Variants in AGBL1 observed in about 807,000 individuals in gnomAD.
The protein encoded by AGBL1 is AGBL carboxypeptidase 1.
A neutral mutation model predicts 118.9 loss-of-function variants in AGBL1; 130 were observed. The observed-to-expected ratio is 1.09, with a 90% CI of 0.95 to 1.26. The LOEUF is 1.26. Ranked by LOEUF, AGBL1 falls within the 50% of genes most tolerant of loss-of-function variation. AGBL1 has a pLI of 0.00. For missense variants in AGBL1, 1,584 were observed against 1,298.1 expected, an observed-to-expected ratio of 1.22 and a Z score of -3.38; for synonymous variants, 555 against 478.9, an observed-to-expected ratio of 1.16 and a Z score of -2.08.
At chr15:86,390,660 ATTTTTT>A (rs756052402) in intron 17 of AGBL1, among the ~76,000 whole-genome samples, 42 of 75,472 alleles carry the variant, frequency 5.6e-4, no homozygotes, top group Middle Eastern at 0.011. Context: ...ATACTGTATG[ATTTTTT>A]TTTTTTTTTT....
chr15:86,688,792 G>A (rs1006868034), intron 22 of AGBL1, among the ~76,000 whole-genome samples: 1 of 151,994 alleles, frequency 6.6e-6, no homozygotes, highest in Non-Finnish European at 1.5e-5. Context: ...CTATATATAT[G>A]CATAAAACTA....
intron 22 of AGBL1, among the ~76,000 whole-genome samples, chr15:86,893,302 CAA>C (rs2080077081): frequency 6.6e-6 from 1 of 152,128 alleles, no homozygotes; most frequent in African/African-American, 2.4e-5. Context: ...GGCATTCACC[CAA>C]GTCTTGAGCA....
chr15:86,361,994 G>A (rs2080812795), intron 17 of AGBL1, among the ~76,000 whole-genome samples: 2 of 152,028 alleles, frequency 1.3e-5, no homozygotes, highest in South Asian at 4.1e-4. Context: ...TTTTCCAACT[G>A]TTTTGTAGTT....
chr15:86,382,622 G>A (rs142674122), intron 17 of AGBL1, among the ~76,000 whole-genome samples: 351 of 152,104 alleles, frequency 2.3e-3, no homozygotes, highest in African/African-American at 8.2e-3. Context: ...GCAGGCCACC[G>A]CTGTAGTCAT....
chr15:86,633,845 A>AATGT (rs1453702079), intron 21 of AGBL1, among the ~76,000 whole-genome samples: 2 of 42,488 alleles, frequency 4.7e-5, no homozygotes, highest in African/African-American at 2.9e-4. Context: ...ATATATATAT[A>AATGT]ATGTATATAT....
At chr15:86,339,224 G>A (rs948731535) in intron 17 of AGBL1, among the ~76,000 whole-genome samples, 2 of 152,082 alleles carry the variant, frequency 1.3e-5, no homozygotes, top group Admixed American at 1.3e-4. Flanking sequence ...CTACCATTCA[G>A]TTTTTTCCCC....
chr15:87,007,228 T>TA, intron 24 of AGBL1, among the ~76,000 whole-genome samples: 1 of 152,236 alleles, frequency 6.6e-6, no homozygotes, highest in East Asian at 1.9e-4. Context: ...ACCAGGTTCT[T>TA]ACGCTAGCTG....
At chr15:86,990,489 G>A (rs1463944512) in intron 24 of AGBL1, among the ~76,000 whole-genome samples, 1 of 151,988 alleles carries the variant, frequency 6.6e-6, no homozygotes, top group Non-Finnish European at 1.5e-5. Context: ...ACTCCAGCCT[G>A]GGCAACAGAG....
intron 7 of AGBL1, among the ~76,000 whole-genome samples, chr15:86,250,390 G>A (rs2078792494): frequency 6.6e-6 from 1 of 151,518 alleles, no homozygotes; most frequent in Non-Finnish European, 1.5e-5. Context: ...GCCGGGCGTG[G>A]TAGCATGTGT....
chr15:86,279,860 C>A (rs2079321156), intron 16 of AGBL1, 77 bp downstream of exon 16: 1 of 1,535,928 alleles, frequency 6.5e-7, no homozygotes, highest in Non-Finnish European at 9.0e-7. Flanking sequence ...ATTTTGGAGA[C>A]CCTGACATCC....
At chr15:86,432,526 T>G (rs1416970675) in intron 18 of AGBL1, among the ~76,000 whole-genome samples, 2 of 152,252 alleles carry the variant, frequency 1.3e-5, no homozygotes. Flanking sequence ...TTGTATTCTA[T>G]TAAGAGAGCT....
intron 17 of AGBL1, among the ~76,000 whole-genome samples, chr15:86,379,100 G>A (rs532274499): frequency 4.6e-5 from 7 of 151,696 alleles, no homozygotes; most frequent in East Asian, 1.9e-4. Flanking sequence ...TTTAGTAAAG[G>A]TGGGGTTTCA....
At chr15:86,085,853 A>T (rs141420542) in intron 1 of AGBL1, among the ~76,000 whole-genome samples, 53 of 152,352 alleles carry the variant, frequency 3.5e-4, no homozygotes, top group African/African-American at 1.2e-3. Context: ...GCATCAAAGC[A>T]GCTCTGACAG....
intron 6 of AGBL1, among the ~76,000 whole-genome samples, chr15:86,236,952 C>CGGGGGG (rs1398987301): frequency 9.8e-3 from 100 of 10,228 alleles, no homozygotes; most frequent in South Asian, 0.02. Context: ...CGGGGGGGGG[C>CGGGGGG]GGGGGGGCGC....
intron 21 of AGBL1, among the ~76,000 whole-genome samples, chr15:86,562,305 G>C (rs1405792573): frequency 1.3e-5 from 2 of 152,140 alleles, no homozygotes; most frequent in Non-Finnish European, 2.9e-5. Flanking sequence ...TTATTATTTT[G>C]AGATATGTCC....
chr15:86,458,828 G>T (rs1223367756), intron 18 of AGBL1, among the ~76,000 whole-genome samples: 1 of 152,144 alleles, frequency 6.6e-6, no homozygotes, highest in African/African-American at 2.4e-5. Context: ...TAAGTGCTAT[G>T]AAGAAAATTG....
At chr15:86,996,022 A>G (rs2081377141) in intron 24 of AGBL1, among the ~76,000 whole-genome samples, 1 of 152,054 alleles carries the variant, frequency 6.6e-6, no homozygotes, top group South Asian at 2.1e-4. Context: ...GGTTCACTGT[A>G]TTTTATCATT....
chr15:86,154,501 C>G lies in AGBL1; in HGVS notation c.334C>G (p.Leu112Val). Residue 112 changes from leucine (L) to valine (V), a missense_variant, in exon 4 of 23, where the codon CTA (leucine) becomes GTA (valine). By Grantham distance (32) the Leu-to-Val change is conservative. Coordinates refer to ENST00000614907, the MANE Select transcript of AGBL1 (RefSeq NM_001386094.1). ...DVTLILARKN[L>V]SHGQNLLHCL... Reference sequence around the variant, plus strand: ...GACATTGATTCTGGCCAGGAAGAACCTATCCCATGGCCAGAATCTCCTCCA... The same window carrying G: ...GACATTGATTCTGGCCAGGAAGAACGTATCCCATGGCCAGAATCTCCTCCA... 2 of 1,613,208 alleles carry G rather than the reference C, an allele frequency of 1.2e-6. No individual in the cohort carries two copies. The highest frequency in any genetic ancestry group is 8.5e-7 in the Non-Finnish European group (1 of 1,179,580).
At chr15:86,565,296 C>T (rs2083896170) in intron 21 of AGBL1, among the ~76,000 whole-genome samples, 2 of 152,220 alleles carry the variant, frequency 1.3e-5, no homozygotes, top group South Asian at 2.1e-4. Flanking sequence ...TGGTGACGTA[C>T]AGATGGGGTT....
Sources: allele counts gnomAD v4.1 joint callset (sites outside exome capture counted in the v4.1 genomes callset), GRCh38; gene constraint gnomAD v4.1.1; transcripts MANE v1.5; gene names NCBI Gene and HGNC (gene_info 2026-07-23, HGNC 2026-07-21).